CNTNAP4: variants seen among roughly 807,000 people sequenced by gnomAD.
CNTNAP4 encodes contactin associated protein family member 4.
CNTNAP4 carries 98 observed loss-of-function variants against 148.4 expected under a neutral mutation model. The ratio of observed to expected loss-of-function variants is 0.66; its 90% CI spans 0.56 to 0.78. CNTNAP4 has a LOEUF of 0.78. CNTNAP4 is among the 30% of genes least tolerant of loss of function. The pLI, the probability that CNTNAP4 is intolerant of heterozygous loss-of-function variation, is 0.00. For synonymous variants in CNTNAP4, 730 were observed against 565.1 expected (o/e 1.29, Z -4.14); for missense variants, 1,935 against 1,565.6 (o/e 1.24, Z -3.98).
chr16:76,286,479 G>C (rs897737134), intron 1 of CNTNAP4, among the ~76,000 whole-genome samples: 2 of 151,980 alleles, frequency 1.3e-5, no homozygotes, highest in African/African-American at 4.8e-5. Context: ...CGATCTCAAA[G>C]ATCTTTATTT....
At chr16:76,421,279 G>A (rs1002817951) in intron 3 of CNTNAP4, among the ~76,000 whole-genome samples, 3 of 152,008 alleles carry the variant, frequency 2.0e-5, no homozygotes, top group East Asian at 3.8e-4. Flanking sequence ...TTGGAAGGTG[G>A]TAGAGTTTGT....
At chr16:76,407,408 CT>C (rs1345252789) in intron 3 of CNTNAP4, among the ~76,000 whole-genome samples, 6 of 151,756 alleles carry the variant, frequency 4.0e-5, no homozygotes, top group African/African-American at 1.5e-4. Flanking sequence ...AATTTAAAAC[CT>C]TCTGGAAAGC....
At chr16:76,410,185 C>G (rs1262913146) in intron 3 of CNTNAP4, among the ~76,000 whole-genome samples, 1 of 151,514 alleles carries the variant, frequency 6.6e-6, no homozygotes, top group Non-Finnish European at 1.5e-5. Flanking sequence ...ATGGAAAGGG[C>G]TTGAAGGGAG....
chr16:76,402,404 C>T (rs2078450736), intron 3 of CNTNAP4, among the ~76,000 whole-genome samples: 1 of 151,586 alleles, frequency 6.6e-6, no homozygotes, highest in Admixed American at 6.6e-5. Context: ...TCCTTTGTCA[C>T]TTCTAATTGT....
At chr16:76,477,395 A>C (rs1423268483) in intron 11 of CNTNAP4, among the ~76,000 whole-genome samples, 2 of 152,110 alleles carry the variant, frequency 1.3e-5, no homozygotes, top group Non-Finnish European at 2.9e-5. Context: ...TCCTTGATTT[A>C]AGGTAAGAGT....
intron 1 of CNTNAP4, among the ~76,000 whole-genome samples, chr16:76,289,660 C>G (rs1052144381): frequency 6.6e-6 from 1 of 151,896 alleles, no homozygotes; most frequent in East Asian, 1.9e-4. Context: ...GCAACCTCTG[C>G]TTCCCAGGTT....
At chr16:76,325,437 A>G (rs1962872415) in intron 2 of CNTNAP4, among the ~76,000 whole-genome samples, 1 of 152,160 alleles carries the variant, frequency 6.6e-6, no homozygotes, top group Non-Finnish European at 1.5e-5. Context: ...ATCTCAAAGG[A>G]TTGAAATCAT....
rs372783170 is a variant in CNTNAP4 at position 76,361,761 on chromosome 16, G to A, written c.390+6250G>A. On this transcript the variant is annotated intron_variant, in intron 3 of 23. Coordinates refer to ENST00000611870, the MANE Select transcript of CNTNAP4 (RefSeq NM_033401.5). ...CTGCATGCTGTTTTCCATGGTGGTT[G>A]TACCATTTTAAATTTCTACCAACTA... Among the ~76,000 whole-genome samples the A allele has an allele frequency of 5.9e-5, 9 of 152,220 alleles. No individual in the cohort carries two copies. In the South Asian group the frequency reaches 1.7e-3, roughly 28 times the overall value.
At chr16:76,333,093 T>TTTTAAGG (rs1567739147) in intron 2 of CNTNAP4, among the ~76,000 whole-genome samples, 1 of 152,192 alleles carries the variant, frequency 6.6e-6, no homozygotes, top group African/African-American at 2.4e-5. Context: ...ATAAGGTTTG[T>TTTTAAGG]TTTAAGGTTT....
intron 15 of CNTNAP4, among the ~76,000 whole-genome samples, chr16:76,514,082 A>G (rs780470190): frequency 3.9e-5 from 6 of 152,168 alleles, no homozygotes; most frequent in Non-Finnish European, 7.3e-5. Context: ...CTCCTTTTAT[A>G]TTAAATGATC....
chr16:76,450,043 G>A (rs1183748316), intron 7 of CNTNAP4, among the ~76,000 whole-genome samples, 185 bp downstream of exon 7: 2 of 151,962 alleles, frequency 1.3e-5, no homozygotes, highest in African/African-American at 2.4e-5. Flanking sequence ...AATTTTGGGG[G>A]CATAATTATT....
At chr16:76,391,997 G>GTGTT (rs59362464) in intron 3 of CNTNAP4, among the ~76,000 whole-genome samples, 63,116 of 151,636 alleles carry the variant, frequency 0.42, 13,325 homozygotes, top group Middle Eastern at 0.52. Flanking sequence ...GTATCCTAAT[G>GTGTT]TGTTTGTTTT....
intron 21 of CNTNAP4, among the ~76,000 whole-genome samples, chr16:76,546,366 A>G (rs1164950546): frequency 6.6e-6 from 1 of 152,146 alleles, no homozygotes; most frequent in Non-Finnish European, 1.5e-5. Flanking sequence ...GCTGCTCCCC[A>G]TTGCTTGCAT....
chr16:76,287,835 A>G (rs1272360306), intron 1 of CNTNAP4: 1 of 152,176 alleles, frequency 6.6e-6, no homozygotes, highest in Non-Finnish European at 1.5e-5. Context: ...ATGTACTGTT[A>G]TATTTCACCA....
chr16:76,459,717 A>G (rs1332199359), intron 8 of CNTNAP4, among the ~76,000 whole-genome samples: 1 of 152,160 alleles, frequency 6.6e-6, no homozygotes, highest in African/African-American at 2.4e-5. Flanking sequence ...TAGATTGCTT[A>G]TTTTTTTGTT....
At chr16:76,465,879 G>A (rs780760373) in intron 9 of CNTNAP4, among the ~76,000 whole-genome samples, 2 of 152,130 alleles carry the variant, frequency 1.3e-5, no homozygotes, top group Admixed American at 1.3e-4. Flanking sequence ...TTTTAAATTT[G>A]AATGCTGTCC....
Position 76,417,992 on chromosome 16 carries a change from T to C in CNTNAP4, c.391-9460T>C, listed in dbSNP as rs535883534. ...TTTATCTTTCTTTCTCTATCAGTAA[T>C]ATAGCTACCTTTCGATGCCCTCTGC... On this transcript the variant is annotated intron_variant, in intron 3 of 23. Coordinates refer to ENST00000611870, the MANE Select transcript of CNTNAP4 (RefSeq NM_033401.5). 3.3e-5 allele frequency among the ~76,000 whole-genome samples: 5 copies of C among 151,852 alleles called. No individual in the cohort carries two copies. The South Asian group carries it at 1.0e-3, about 31-fold the overall frequency.
chr16:76,294,862 C>T (rs926171318), intron 1 of CNTNAP4, among the ~76,000 whole-genome samples: 6 of 152,154 alleles, frequency 3.9e-5, no homozygotes, highest in Non-Finnish European at 7.4e-5. Flanking sequence ...AATTCTTGCT[C>T]GCAATTGAGA....
chr16:76,321,658 G>A lies in CNTNAP4; in HGVS notation c.196+5135G>A, dbSNP rs184922666. ...CAAAAAATTAGCCGGGCGTGGTGGC[G>A]GGTCCCTGTAACCCCAGCTACTCAG... On this transcript the variant is annotated intron_variant, in intron 2 of 23. Transcript: ENST00000611870. Among the ~76,000 whole-genome samples the A allele has an allele frequency of 5.4e-3, 817 of 151,476 alleles. 6 individuals are homozygous for A. The highest frequency in any genetic ancestry group is 0.019 in the African/African-American group (771 of 41,338).
Sources: allele counts gnomAD v4.1 joint callset (sites outside exome capture counted in the v4.1 genomes callset), GRCh38; gene constraint gnomAD v4.1.1; transcripts MANE v1.5; gene names NCBI Gene and HGNC (gene_info 2026-07-23, HGNC 2026-07-21).